PARD3: variants seen among roughly 807,000 people sequenced by gnomAD.
The protein encoded by PARD3 is partitioning defective 3 homolog.
PARD3 carries 75 observed loss-of-function variants against 155.4 expected under a neutral mutation model. The ratio of observed to expected loss-of-function variants is 0.48; its 90% CI spans 0.40 to 0.58. The LOEUF is 0.58. PARD3 is among the 20% of genes least tolerant of loss of function. The pLI, the probability that PARD3 is intolerant of heterozygous loss-of-function variation, is 0.00. For missense variants in PARD3, 1,642 were observed against 1,721.7 expected (o/e 0.95, Z 0.82); for synonymous variants, 576 against 610.5 (o/e 0.94, Z 0.83).
chr10:34,677,736 CA>C (rs978416354), intron 2 of PARD3, among the ~76,000 whole-genome samples: 5 of 152,168 alleles, frequency 3.3e-5, no homozygotes, highest in African/African-American at 1.2e-4. Context: ...CAGGGGGACA[CA>C]GATACCATGA....
chr10:34,491,207 C>T (rs1296243821), intron 3 of PARD3, among the ~76,000 whole-genome samples: 1 of 152,154 alleles, frequency 6.6e-6, no homozygotes, highest in Non-Finnish European at 1.5e-5. Context: ...GTCACAGGAT[C>T]ATCCAAAAAC....
intron 2 of PARD3, among the ~76,000 whole-genome samples, chr10:34,687,546 A>G (rs1345467758): frequency 6.6e-6 from 1 of 152,192 alleles, no homozygotes; most frequent in Non-Finnish European, 1.5e-5. Context: ...CTGAGTTTAC[A>G]CAGCCATTCC....
At chr10:34,183,787 G>GAAA (rs1422743063) in intron 22 of PARD3, among the ~76,000 whole-genome samples, 2 of 152,122 alleles carry the variant, frequency 1.3e-5, no homozygotes, top group African/African-American at 4.8e-5. Flanking sequence ...CTCTGTATGG[G>GAAA]GGAGCTGTTC....
intron 2 of PARD3, among the ~76,000 whole-genome samples, chr10:34,678,493 C>T (rs2093753574): frequency 6.6e-6 from 1 of 151,980 alleles, no homozygotes; most frequent in Non-Finnish European, 1.5e-5. Flanking sequence ...TCAACTAATC[C>T]TTTTTAGTGA....
chr10:34,209,207 C>T (rs1381499960), intron 22 of PARD3, among the ~76,000 whole-genome samples: 1 of 152,172 alleles, frequency 6.6e-6, no homozygotes, highest in Non-Finnish European at 1.5e-5. Flanking sequence ...AGCACTTTCA[C>T]TGAAAAATGC....
intron 1 of PARD3, among the ~76,000 whole-genome samples, chr10:34,758,344 T>C (rs1229220391): frequency 6.6e-6 from 1 of 152,186 alleles, no homozygotes; most frequent in East Asian, 1.9e-4. Flanking sequence ...ATTTTACAGA[T>C]AAGGAAACCC....
chr10:34,349,680 T>C (rs1837829691), intron 14 of PARD3, among the ~76,000 whole-genome samples: 1 of 143,670 alleles, frequency 7.0e-6, no homozygotes. Flanking sequence ...CACTAAAAAG[T>C]ATACCTACAT....
intron 1 of PARD3, among the ~76,000 whole-genome samples, chr10:34,717,613 A>T (rs1341190840): frequency 1.3e-5 from 2 of 152,134 alleles, no homozygotes; most frequent in Non-Finnish European, 2.9e-5. Context: ...TCCCACGCAG[A>T]TTACTGGAAA....
Position 34,534,354 on chromosome 10 carries a change from G to A in PARD3, c.223-17195C>T, listed in dbSNP as rs964635076. Among the ~76,000 whole-genome samples, 9 of 152,152 alleles carry A rather than the reference G, an allele frequency of 5.9e-5. No individual in the cohort carries two copies. In the South Asian group the frequency reaches 1.9e-3, roughly 32 times the overall value. On this transcript the variant is annotated intron_variant, in intron 2 of 24. Transcript: ENST00000374788. Reference sequence around the variant, plus strand: ...CTGGGTCAAGTCAATGGAAAGAGGTGAGTTCCACTCCAAAGGACGGGCGTG... The same window carrying A: ...CTGGGTCAAGTCAATGGAAAGAGGTAAGTTCCACTCCAAAGGACGGGCGTG...
intron 22 of PARD3, among the ~76,000 whole-genome samples, chr10:34,239,866 T>C (rs955918263): frequency 1.3e-5 from 2 of 152,130 alleles, no homozygotes; most frequent in African/African-American, 4.8e-5. Context: ...TTGATAATAT[T>C]ATCTGAAAAT....
intron 7 of PARD3, among the ~76,000 whole-genome samples, chr10:34,386,879 A>C (rs1367902920): frequency 6.6e-6 from 1 of 152,152 alleles, no homozygotes; most frequent in Non-Finnish European, 1.5e-5. Context: ...AGGAAGATTA[A>C]TACAAGAAAT....
At chr10:34,359,013 A>C in intron 14 of PARD3, 134 bp downstream of exon 14, 2 of 619,620 alleles carry the variant, frequency 3.2e-6, no homozygotes, top group Non-Finnish European at 5.5e-6. Flanking sequence ...CAAAATAATA[A>C]AACTACAATA....
intron 14 of PARD3, among the ~76,000 whole-genome samples, chr10:34,355,287 C>T (rs1206466524): frequency 6.6e-6 from 1 of 152,060 alleles, no homozygotes; most frequent in Non-Finnish European, 1.5e-5. Context: ...GGGACTATAC[C>T]ACTGCACTCT....
Position 34,581,234 on chromosome 10 carries a change from C to CTTTTTTTTTT in PARD3, c.223-64085_223-64076dup, listed in dbSNP as rs779658592. ...TTTTGGTTATTTTTCTTTTTCTTTT[C>CTTTTTTTTTT]TTTTTTTTTTTTTTTTTTGAGACGG... On this transcript the variant is annotated intron_variant, in intron 2 of 24. Transcript: ENST00000374788. Among the ~76,000 whole-genome samples, 526 of 101,182 alleles carry CTTTTTTTTTT rather than the reference C, an allele frequency of 5.2e-3. 19 individuals are homozygous for CTTTTTTTTTT. Among genetic ancestry groups the CTTTTTTTTTT allele is most frequent in the African/African-American group, 0.014 (341 of 23,830 alleles). 66.4% of individuals were successfully genotyped at this position (101,182 alleles called of 152,430 possible).
chr10:34,674,162 A>G (rs1398180407), intron 2 of PARD3, among the ~76,000 whole-genome samples: 1 of 152,166 alleles, frequency 6.6e-6, no homozygotes, highest in African/African-American at 2.4e-5. Flanking sequence ...TTCGTTAACA[A>G]GAAGTAGCAC....
intron 22 of PARD3, among the ~76,000 whole-genome samples, chr10:34,211,006 T>C (rs1220874340): frequency 1.3e-5 from 2 of 152,148 alleles, no homozygotes; most frequent in African/African-American, 4.8e-5. Context: ...AGTGAGGAAC[T>C]GTGTCAAGGT....
chr10:34,116,651 A>G (rs1190155991), intron 24 of PARD3, among the ~76,000 whole-genome samples: 2 of 152,166 alleles, frequency 1.3e-5, no homozygotes, highest in Non-Finnish European at 2.9e-5. Context: ...TTGTTCTCTA[A>G]AGGAAGACAA....
At chr10:34,511,107 A>T (rs1289835876) in intron 3 of PARD3, among the ~76,000 whole-genome samples, 1 of 152,206 alleles carries the variant, frequency 6.6e-6, no homozygotes, top group African/African-American at 2.4e-5. Context: ...TTTATTGAAG[A>T]ACGTGGGCCA....
chr10:34,317,227 C>T lies in PARD3; in HGVS notation c.2945G>A (p.Gly982Asp), dbSNP rs749084231. 1.2e-6 allele frequency: 2 copies of T among 1,613,726 alleles called. No individual in the cohort carries two copies. Among genetic ancestry groups the T allele is most frequent in the Admixed American group, 1.7e-5 (1 of 59,968 alleles). ...ATCCTTTTTTCTATCAGTCTTATCA[C>T]CTTTCTCTTGGTTTCCATTCATTTG... Reference protein sequence around the residue: ...ERQMNGNQEKGDKTDRKKDKT... With the variant: ...ERQMNGNQEKDDKTDRKKDKT... The change falls in exon 20 of 25, where the codon GGT becomes GAT. Residue 982 changes from glycine to aspartate, a missense_variant. By Grantham distance (94) the Gly-to-Asp change is moderately conservative (BLOSUM62 -1). Coordinates refer to ENST00000374788, the MANE Select transcript of PARD3 (RefSeq NM_001184785.2).
Sources: allele counts gnomAD v4.1 joint callset (sites outside exome capture counted in the v4.1 genomes callset), GRCh38; gene constraint gnomAD v4.1.1; transcripts MANE v1.5; gene names NCBI Gene and HGNC (gene_info 2026-07-23, HGNC 2026-07-21).